CTNNBL1: variants seen among roughly 807,000 people sequenced by gnomAD.
The protein encoded by CTNNBL1 is catenin beta like 1.
CTNNBL1 carries 31 observed loss-of-function variants against 72.7 expected under a neutral mutation model. That is an observed-to-expected ratio of 0.43 (90% CI 0.32 to 0.58). The LOEUF (loss-of-function observed/expected upper bound fraction) is 0.58. Among genes scored for constraint, CTNNBL1 ranks in the 20% least tolerant of loss-of-function variants. CTNNBL1 has a pLI of 0.08. For missense variants in CTNNBL1, 534 were observed against 725.1 expected (o/e 0.74, Z 3.03); for synonymous variants, 240 against 267.3 (o/e 0.90, Z 1.00).
rs144699131 is a variant in CTNNBL1, at chr20:37,828,829, T to C, written c.1214-11273T>C. Among the ~76,000 whole-genome samples, 889 of 152,330 alleles carry C rather than the reference T, an allele frequency of 5.8e-3. 10 individuals are homozygous for C. The highest frequency in any genetic ancestry group is 0.021 in the African/African-American group (853 of 41,568). On this transcript the variant is annotated intron_variant, in intron 11 of 15. Transcript: ENST00000361383. ...TTCAGCCGGAGTGGCTGAGCACACATGCGTGACTCTTCTTGGGTTGCCACA... is the reference window on the plus strand; with the variant it reads ...TTCAGCCGGAGTGGCTGAGCACACACGCGTGACTCTTCTTGGGTTGCCACA...
chr20:37,858,968 T>C (rs1568815081), intron 13 of CTNNBL1, among the ~76,000 whole-genome samples: 1 of 152,136 alleles, frequency 6.6e-6, no homozygotes, highest in Non-Finnish European at 1.5e-5. Flanking sequence ...GGGACCTTTC[T>C]CCCCTGTGTT....
intron 1 of CTNNBL1, chr20:37,694,896 C>G (rs1377172531): frequency 6.6e-6 from 1 of 152,270 alleles, no homozygotes; most frequent in Admixed American, 6.5e-5. Flanking sequence ...GACTTCCACC[C>G]CAAAGTTTTT....
At chr20:37,847,595 T>C (rs2072357108) in intron 13 of CTNNBL1, among the ~76,000 whole-genome samples, 1 of 152,208 alleles carries the variant, frequency 6.6e-6, no homozygotes, top group Non-Finnish European at 1.5e-5. Flanking sequence ...TTGTTGATTC[T>C]TTCCCGTTTC....
chr20:37,718,055 C>T (rs2073003078), intron 1 of CTNNBL1, among the ~76,000 whole-genome samples: 1 of 152,206 alleles, frequency 6.6e-6, no homozygotes, highest in Non-Finnish European at 1.5e-5. Context: ...CTTTTCCCCA[C>T]CTTTCCCCCC....
At chr20:37,840,234 G>T in intron 12 of CTNNBL1, 35 bp downstream of exon 12, 1 of 1,473,362 alleles carries the variant, frequency 6.8e-7, no homozygotes, top group South Asian at 1.1e-5. Flanking sequence ...CTGGGACCGG[G>T]ACTGATAGAA....
chr20:37,768,763 A>G (rs968654367), intron 7 of CTNNBL1, among the ~76,000 whole-genome samples: 1 of 152,060 alleles, frequency 6.6e-6, no homozygotes, highest in East Asian at 1.9e-4. Context: ...TAATTTAGAA[A>G]CTTTTTTTTG....
intron 11 of CTNNBL1, among the ~76,000 whole-genome samples, chr20:37,827,712 A>G (rs190158690): frequency 2.0e-4 from 31 of 152,276 alleles, no homozygotes; most frequent in East Asian, 1.4e-3. Flanking sequence ...CTTCTGTAGT[A>G]TCTGGATCTG....
chr20:37,704,365 T>C (rs1057503593), intron 1 of CTNNBL1, among the ~76,000 whole-genome samples: 1 of 151,828 alleles, frequency 6.6e-6, no homozygotes, highest in Non-Finnish European at 1.5e-5. Context: ...CCTTCAGGAG[T>C]CTTCTCTCCA....
chr20:37,771,706 C>T (rs2073526118), intron 7 of CTNNBL1, among the ~76,000 whole-genome samples: 1 of 152,146 alleles, frequency 6.6e-6, no homozygotes, highest in Non-Finnish European at 1.5e-5. Context: ...AAATTTTACA[C>T]ACCCTTCGTG....
intron 3 of CTNNBL1, 82 bp from the exon 4 acceptor site, chr20:37,746,386 T>A: frequency 6.8e-7 from 1 of 1,474,606 alleles, no homozygotes; most frequent in African/African-American, 1.4e-5. Flanking sequence ...ACAGATTGCC[T>A]TGTTGTCTAG....
intron 11 of CTNNBL1, among the ~76,000 whole-genome samples, chr20:37,815,564 C>G (rs1233488757): frequency 1.3e-5 from 2 of 151,874 alleles, no homozygotes; most frequent in Non-Finnish European, 2.9e-5. Flanking sequence ...GTGATCTGCC[C>G]CCCTCGGCCT....
chr20:37,807,671 T>G (rs2071971464), intron 11 of CTNNBL1, among the ~76,000 whole-genome samples: 1 of 152,152 alleles, frequency 6.6e-6, no homozygotes, highest in Non-Finnish European at 1.5e-5. Flanking sequence ...CTTTTGTGAC[T>G]TGGGGTGGGG....
At chr20:37,804,571 A>C (rs1483305591) in intron 11 of CTNNBL1, among the ~76,000 whole-genome samples, 1 of 152,200 alleles carries the variant, frequency 6.6e-6, no homozygotes, top group Non-Finnish European at 1.5e-5. Context: ...AAGCTCTGAT[A>C]GCCACACCTT....
intron 3 of CTNNBL1, among the ~76,000 whole-genome samples, chr20:37,741,309 G>T (rs2073213960): frequency 6.6e-6 from 1 of 152,236 alleles, no homozygotes; most frequent in Admixed American, 6.5e-5. Flanking sequence ...AGTAGGCTGT[G>T]CTTGGTCAGG....
intron 4 of CTNNBL1, chr20:37,750,357 CT>C (rs1441177896): frequency 6.6e-6 from 1 of 152,158 alleles, no homozygotes; most frequent in Non-Finnish European, 1.5e-5. Context: ...TGGAGGGTTA[CT>C]CTAAATGCAG....
chr20:37,770,054 C>G (rs2073508468), intron 7 of CTNNBL1, among the ~76,000 whole-genome samples: 1 of 152,214 alleles, frequency 6.6e-6, no homozygotes, highest in South Asian at 2.1e-4. Flanking sequence ...TCAGTATGAG[C>G]ACATTTGCCT....
intron 11 of CTNNBL1, among the ~76,000 whole-genome samples, chr20:37,815,076 A>AGTGTGTGTGTGTGTGTGTGT: frequency 6.8e-6 from 1 of 147,392 alleles, no homozygotes; most frequent in East Asian, 2.0e-4. Flanking sequence ...GGACTCTGTG[A>AGTGTGTGTGTGTGTGTGTGT]GTGTGTGTGT....
chr20:37,867,074 C>A (rs1231709884), intron 15 of CTNNBL1, among the ~76,000 whole-genome samples: 1 of 152,172 alleles, frequency 6.6e-6, no homozygotes, highest in Non-Finnish European at 1.5e-5. Context: ...AATGGCATCC[C>A]TGATGAAATG....
Position 37,812,423 on chromosome 20 carries a change from C to T in CTNNBL1, c.1213+9375C>T, listed in dbSNP as rs189394667. On this transcript the variant is annotated intron_variant, in intron 11 of 15. Transcript: ENST00000361383. ...ATAGGCTGGGTCATAACAGGAGCTT[C>T]CTGGGAAATGGGACAGCCACTGTTT... 1.5e-3 allele frequency among the ~76,000 whole-genome samples: 228 copies of T among 152,270 alleles called. 1 individual carries two copies. The Middle Eastern group carries it at 0.017, about 11-fold the overall frequency.
Sources: allele counts gnomAD v4.1 joint callset (sites outside exome capture counted in the v4.1 genomes callset), GRCh38; gene constraint gnomAD v4.1.1; transcripts MANE v1.5; gene names NCBI Gene and HGNC (gene_info 2026-07-23, HGNC 2026-07-21).